Variants in DCC observed in about 807,000 individuals in gnomAD.
The protein encoded by DCC is netrin receptor DCC.
DCC carries 58 observed loss-of-function variants against 172.5 expected under a neutral mutation model. That is an observed-to-expected ratio of 0.34 (90% CI 0.27 to 0.42). DCC has a LOEUF of 0.42. Among genes scored for constraint, DCC ranks in the 10% least tolerant of loss-of-function variants. DCC has a pLI of 1.00. For missense variants in DCC, 1,740 were observed against 1,791.0 expected, an observed-to-expected ratio of 0.97 and a Z score of 0.51; for synonymous variants, 709 against 644.5, an observed-to-expected ratio of 1.10 and a Z score of -1.52.
At chr18:53,482,500 T>A (rs2045845173) in intron 25 of DCC, among the ~76,000 whole-genome samples, 1 of 152,090 alleles carries the variant, frequency 6.6e-6, no homozygotes, top group South Asian at 2.1e-4. Flanking sequence ...ACTAAAAGAT[T>A]ATATGGCTTG....
intron 3 of DCC, among the ~76,000 whole-genome samples, chr18:52,907,613 A>G (rs1287372662): frequency 3.3e-5 from 5 of 151,990 alleles, no homozygotes; most frequent in Non-Finnish European, 7.4e-5. Context: ...AAGAGGTTTC[A>G]TCCTATTGCC....
chr18:53,059,374 A>G (rs1433788146), intron 5 of DCC, among the ~76,000 whole-genome samples: 1 of 152,094 alleles, frequency 6.6e-6, no homozygotes, highest in Non-Finnish European at 1.5e-5. Context: ...GAAAAGGGTC[A>G]TTTGTTTCAT....
intron 7 of DCC, among the ~76,000 whole-genome samples, chr18:53,130,220 G>A (rs1225846820): frequency 6.6e-6 from 1 of 152,048 alleles, no homozygotes; most frequent in African/African-American, 2.4e-5. Flanking sequence ...ACTAAATGAG[G>A]TTTCACTTTA....
intron 27 of DCC, among the ~76,000 whole-genome samples, chr18:53,517,689 A>G (rs949402580): frequency 2.6e-5 from 4 of 152,122 alleles, no homozygotes; most frequent in African/African-American, 9.6e-5. Flanking sequence ...CCTCATCAGC[A>G]CGTCCCCAGT....
intron 5 of DCC, among the ~76,000 whole-genome samples, chr18:53,055,082 A>G (rs1392472279): frequency 6.6e-6 from 1 of 152,122 alleles, no homozygotes; most frequent in East Asian, 1.9e-4. Flanking sequence ...TTTGCCGTTG[A>G]GGACTGAACT....
At chr18:52,348,421 G>A (rs928297021) in intron 1 of DCC, among the ~76,000 whole-genome samples, 2 of 152,076 alleles carry the variant, frequency 1.3e-5, no homozygotes, top group African/African-American at 2.4e-5. Context: ...CCCCCACCAG[G>A]GGCAGATGAA....
intron 1 of DCC, among the ~76,000 whole-genome samples, chr18:52,429,891 G>A (rs935166939): frequency 6.6e-6 from 1 of 152,092 alleles, no homozygotes; most frequent in African/African-American, 2.4e-5. Flanking sequence ...GTCAAGAGGT[G>A]GGTAAGGTAT....
In DCC at chr18:52,620,527, G is replaced by C. The variant is rs1234604026; in HGVS notation, c.92-131527G>C. Among the ~76,000 whole-genome samples, 6 of 152,254 alleles carry C rather than the reference G, an allele frequency of 3.9e-5. No individual in the cohort carries two copies. The South Asian group carries it at 6.2e-4, about 16-fold the overall frequency. On this transcript the variant is annotated intron_variant, in intron 1 of 28. Coordinates refer to ENST00000442544, the MANE Select transcript of DCC (RefSeq NM_005215.4). Reference sequence around the variant, plus strand: ...TTAAAGTTGTATATAGAAGAGAACTGGCACAATTATTTGGTGACGGTCATT... The same window carrying C: ...TTAAAGTTGTATATAGAAGAGAACTCGCACAATTATTTGGTGACGGTCATT...
chr18:53,063,664 G>A, intron 6 of DCC: 3 of 528,328 alleles, frequency 5.7e-6, no homozygotes, highest in South Asian at 2.2e-5. Flanking sequence ...TCAGCCCCCT[G>A]GTTTTACAGA....
At chr18:52,931,807 G>A (rs1024899174) in intron 5 of DCC, 1 of 151,998 alleles carries the variant, frequency 6.6e-6, no homozygotes, top group Non-Finnish European at 1.5e-5. Flanking sequence ...ATAAAGTATT[G>A]GTGGACACCT....
chr18:53,162,127 C>T (rs1056560531), intron 8 of DCC, among the ~76,000 whole-genome samples: 1 of 151,958 alleles, frequency 6.6e-6, no homozygotes, highest in African/African-American at 2.4e-5. Context: ...AATGAAACCC[C>T]GTTTCCACTA....
chr18:53,233,551 T>TTC (rs2056154839), intron 12 of DCC, among the ~76,000 whole-genome samples: 1 of 152,172 alleles, frequency 6.6e-6, no homozygotes, highest in African/African-American at 2.4e-5. Flanking sequence ...TTATCATATT[T>TTC]TCATTCAAAG....
At chr18:53,381,969 T>C (rs544340782) in intron 15 of DCC, among the ~76,000 whole-genome samples, 166 of 151,972 alleles carry the variant, frequency 1.1e-3, no homozygotes, top group African/African-American at 3.5e-3. Context: ...ACTCTTTAGA[T>C]CAATCATATA....
At chr18:52,430,372 G>A (rs1464240961) in intron 1 of DCC, among the ~76,000 whole-genome samples, 1 of 149,186 alleles carries the variant, frequency 6.7e-6, no homozygotes, top group South Asian at 2.1e-4. Flanking sequence ...AGATGTGAAT[G>A]CAACATACTT....
chr18:52,378,471 T>G (rs1985448520), intron 1 of DCC, among the ~76,000 whole-genome samples: 1 of 152,158 alleles, frequency 6.6e-6, no homozygotes, highest in Non-Finnish European at 1.5e-5. Flanking sequence ...CAGTGGACTT[T>G]ACACTTCAGG....
chr18:52,534,033 T>C (rs1180291461), intron 1 of DCC, among the ~76,000 whole-genome samples: 1 of 152,160 alleles, frequency 6.6e-6, no homozygotes, highest in Admixed American at 6.6e-5. Context: ...CGTGCTTTAG[T>C]AGTTCATTCC....
intron 1 of DCC, among the ~76,000 whole-genome samples, chr18:52,524,060 G>GT (rs2031903515): frequency 6.6e-6 from 1 of 152,174 alleles, no homozygotes; most frequent in African/African-American, 2.4e-5. Flanking sequence ...GTTACACCAA[G>GT]TTTCTCTAAT....
intron 12 of DCC, among the ~76,000 whole-genome samples, chr18:53,258,176 T>G (rs1023401203): frequency 1.3e-5 from 2 of 152,204 alleles, no homozygotes; most frequent in African/African-American, 4.8e-5. Context: ...CTGGAATCAT[T>G]GATTTTTTGA....
intron 9 of DCC, among the ~76,000 whole-genome samples, chr18:53,181,500 A>G (rs1424649633): frequency 6.6e-6 from 1 of 151,554 alleles, no homozygotes; most frequent in Admixed American, 6.6e-5. Flanking sequence ...CACTCATTCC[A>G]TAAAAATTAA....
Sources: allele counts gnomAD v4.1 joint callset (sites outside exome capture counted in the v4.1 genomes callset), GRCh38; gene constraint gnomAD v4.1.1; transcripts MANE v1.5; gene names NCBI Gene and HGNC (gene_info 2026-07-23, HGNC 2026-07-21).